Variants in TTLL11 observed in about 807,000 individuals in gnomAD.
TTLL11 encodes the protein tubulin polyglutamylase TTLL11.
A neutral mutation model predicts 51.7 loss-of-function variants in TTLL11; 42 were observed. That is an observed-to-expected ratio of 0.81 (90% CI 0.64 to 1.05). TTLL11 has a LOEUF of 1.05. Among genes scored for constraint, TTLL11 ranks in the 50% least tolerant of loss-of-function variants. TTLL11 has a pLI of 0.00. For missense variants in TTLL11, 799 were observed against 940.4 expected, an observed-to-expected ratio of 0.85 and a Z score of 1.97; for synonymous variants, 381 against 383.5, an observed-to-expected ratio of 0.99 and a Z score of 0.08.
intron 3 of TTLL11, among the ~76,000 whole-genome samples, chr9:122,017,500 T>A (rs1844023001): frequency 2.1e-5 from 3 of 139,768 alleles, no homozygotes. Context: ...GAGACCCACA[T>A]TACCCAGACT....
chr9:121,996,144 G>C (rs761475788), intron 3 of TTLL11, among the ~76,000 whole-genome samples: 1 of 152,178 alleles, frequency 6.6e-6, no homozygotes, highest in Non-Finnish European at 1.5e-5. Flanking sequence ...GAGTGGCCTG[G>C]ATGGTCCTCC....
At chr9:121,994,937 G>A (rs1843210123) in intron 3 of TTLL11, among the ~76,000 whole-genome samples, 3 of 152,302 alleles carry the variant, frequency 2.0e-5, no homozygotes, top group Non-Finnish European at 4.4e-5. Context: ...CTGGATGACT[G>A]GGAGAGAGAG....
At chr9:122,004,786 G>A (rs929114107) in intron 3 of TTLL11, among the ~76,000 whole-genome samples, 6 of 152,200 alleles carry the variant, frequency 3.9e-5, no homozygotes, top group Admixed American at 6.5e-5. Flanking sequence ...ATGACACCAC[G>A]TTGGCGGAGG....
At chr9:122,049,242 T>C (rs913732632) in intron 1 of TTLL11, among the ~76,000 whole-genome samples, 6 of 152,204 alleles carry the variant, frequency 3.9e-5, no homozygotes, top group Admixed American at 2.0e-4. Flanking sequence ...TTAAACACTT[T>C]ACATGTATTA....
chr9:121,837,668 G>C (rs1450817804), intron 8 of TTLL11, among the ~76,000 whole-genome samples: 1 of 152,138 alleles, frequency 6.6e-6, no homozygotes, highest in Non-Finnish European at 1.5e-5. Flanking sequence ...CTGCCTTCCT[G>C]TCACTATCCT....
chr9:122,014,328 G>A (rs1380369658), intron 3 of TTLL11, among the ~76,000 whole-genome samples: 2 of 152,120 alleles, frequency 1.3e-5, no homozygotes, highest in African/African-American at 4.8e-5. Flanking sequence ...TCGTACCACT[G>A]CACTCCAGCC....
chr9:122,031,631 G>T, intron 3 of TTLL11, 92 bp downstream of exon 3: 1 of 1,490,108 alleles, frequency 6.7e-7, no homozygotes, highest in Non-Finnish European at 9.0e-7. Flanking sequence ...AGCTCCCTGG[G>T]ACCCCCTGTC....
chr9:122,000,466 C>T lies in TTLL11; in HGVS notation c.694-10696G>A, dbSNP rs369371036. On this transcript the variant is annotated intron_variant, in intron 3 of 8. Transcript: ENST00000321582. ...CAGCCTGGGTGACAGAGTGAGACTC[C>T]GTCGCAAAAAAAAAAAAAAAAAAAA... is the stretch of plus-strand genomic sequence containing the variant. Among the ~76,000 whole-genome samples, 237 of 102,588 alleles carry T rather than the reference C, an allele frequency of 2.3e-3. 1 individual carries two copies. The highest frequency in any genetic ancestry group is 9.4e-3 in the African/African-American group (218 of 23,170). 67.3% of individuals were successfully genotyped at this position (102,588 alleles called of 152,430 possible).
At chr9:121,889,529 C>T (rs541995529) in intron 6 of TTLL11, among the ~76,000 whole-genome samples, 19 of 152,204 alleles carry the variant, frequency 1.2e-4, no homozygotes, top group South Asian at 1.0e-3. Context: ...CAATAACTCT[C>T]GACTCCCCCA....
chr9:121,992,461 GAT>G (rs1299796392), intron 3 of TTLL11, among the ~76,000 whole-genome samples: 1 of 152,216 alleles, frequency 6.6e-6, no homozygotes, highest in Non-Finnish European at 1.5e-5. Flanking sequence ...ATCGATCTGA[GAT>G]GAGACCTGGG....
At chr9:122,018,128 T>G (rs994747751) in intron 3 of TTLL11, among the ~76,000 whole-genome samples, 1 of 146,066 alleles carries the variant, frequency 6.8e-6, no homozygotes, top group Admixed American at 6.7e-5. Flanking sequence ...TTTTTTTTTT[T>G]TTGAGACAGA....
chr9:121,897,807 T>C (rs75341978), intron 6 of TTLL11, among the ~76,000 whole-genome samples: 1,874 of 152,320 alleles, frequency 0.012, 18 homozygotes, highest in Middle Eastern at 0.051. Context: ...CAGCCTCTGC[T>C]GCTGTGTTTT....
chr9:121,862,175 CTT>C (rs774632655), intron 7 of TTLL11, among the ~76,000 whole-genome samples: 6 of 141,200 alleles, frequency 4.2e-5, no homozygotes, highest in Middle Eastern at 3.8e-3. Flanking sequence ...CCCTCCCCAG[CTT>C]TTTTTTTTTT....
intron 8 of TTLL11, among the ~76,000 whole-genome samples, chr9:121,852,254 C>A (rs1015935791): frequency 3.3e-5 from 5 of 152,224 alleles, no homozygotes; most frequent in Admixed American, 2.6e-4. Flanking sequence ...GAAAAAGCTA[C>A]TGTTTGGGCC....
chr9:121,933,040 G>A lies in TTLL11; in HGVS notation c.1481+40969C>T, dbSNP rs1314486659. On this transcript the variant is annotated intron_variant, in intron 6 of 8. Transcript: ENST00000321582. ...TTGATCAACTGGCTCCCTGAGCATCGAAAATGTCGGTTAGTTTTTCCTCTC... is the reference window on the plus strand; with the variant it reads ...TTGATCAACTGGCTCCCTGAGCATCAAAAATGTCGGTTAGTTTTTCCTCTC... 2.0e-5 allele frequency among the ~76,000 whole-genome samples: 3 copies of A among 152,140 alleles called. No homozygotes were observed. The South Asian group carries it at 6.2e-4, about 32-fold the overall frequency.
rs559380806 is a variant in TTLL11 at position 122,088,016 on chromosome 9, A to G, written c.462+4671T>C. ...ATTAGACCTGGCCAGAACGGGTATG[A>G]CTGCAAACTGAATCATCTGAGGGCT... On this transcript the variant is annotated intron_variant, in intron 1 of 8. Transcript: ENST00000321582. 3.9e-5 allele frequency among the ~76,000 whole-genome samples: 6 copies of G among 152,340 alleles called. No homozygotes were observed. In the South Asian group the frequency reaches 6.2e-4, roughly 16 times the overall value.
chr9:121,982,846 G>A (rs375233584), intron 4 of TTLL11, among the ~76,000 whole-genome samples: 1 of 152,122 alleles, frequency 6.6e-6, no homozygotes. Context: ...GGAGAGTGGC[G>A]GAAGATGAGG....
intron 1 of TTLL11, among the ~76,000 whole-genome samples, chr9:122,073,667 C>T (rs1338097013): frequency 6.6e-6 from 1 of 152,120 alleles, no homozygotes; most frequent in Non-Finnish European, 1.5e-5. Context: ...AAACACCTCA[C>T]CAATCTGGAA....
At position 122,050,560 on chromosome 9, in the gene TTLL11, C is replaced by G. The variant is rs542114907; in HGVS notation, c.463-11192G>C. Among the ~76,000 whole-genome samples the G allele has an allele frequency of 1.8e-3, 272 of 152,268 alleles. 1 individual carries two copies. Among genetic ancestry groups the G allele is most frequent in the African/African-American group, 6.4e-3 (267 of 41,542 alleles). On this transcript the variant is annotated intron_variant, in intron 1 of 8. Transcript: ENST00000321582. ...TTCTATCCTCTCCCCTACCTGTGGT[C>G]TGCAGCCTCCAAGATGGTCCCCAGT...
Sources: allele counts gnomAD v4.1 joint callset (sites outside exome capture counted in the v4.1 genomes callset), GRCh38; gene constraint gnomAD v4.1.1; transcripts MANE v1.5; gene names NCBI Gene and HGNC (gene_info 2026-07-23, HGNC 2026-07-21).